Variants in SIRPG observed in about 807,000 individuals in gnomAD.
SIRPG encodes signal regulatory protein gamma.
A neutral mutation model predicts 35.7 loss-of-function variants in SIRPG; 38 were observed. The ratio of observed to expected loss-of-function variants is 1.06; its 90% CI spans 0.82 to 1.40. The LOEUF (loss-of-function observed/expected upper bound fraction) is 1.40. Among genes scored for constraint, SIRPG ranks in the 40% most tolerant of loss-of-function variants. SIRPG has a pLI of 0.00. For synonymous variants in SIRPG, 215 were observed against 190.4 expected (o/e 1.13, Z -1.06); for missense variants, 519 against 483.0 (o/e 1.07, Z -0.70).
At chr20:1,644,967 A>G (rs975960391) in intron 2 of SIRPG, among the ~76,000 whole-genome samples, 1 of 152,130 alleles carries the variant, frequency 6.6e-6, no homozygotes, top group African/African-American at 2.4e-5. Flanking sequence ...GCCTCCTATC[A>G]CTGCTGCTTC....
chr20:1,639,907 G>C (rs2091838442), intron 2 of SIRPG, among the ~76,000 whole-genome samples: 1 of 152,076 alleles, frequency 6.6e-6, no homozygotes, highest in South Asian at 2.1e-4. Context: ...TTTTTCTCAG[G>C]TTTGTTGAAG....
intron 2 of SIRPG, among the ~76,000 whole-genome samples, chr20:1,644,221 G>T (rs1030718727): frequency 6.6e-6 from 1 of 152,194 alleles, no homozygotes; most frequent in Non-Finnish European, 1.5e-5. Flanking sequence ...CCCCCTAGGG[G>T]CTCAGGCCCA....
At chr20:1,660,218 T>C (rs1220363408), upstream of SIRPG, among the ~76,000 whole-genome samples, 1 of 152,188 alleles carries the variant, frequency 6.6e-6, no homozygotes. Context: ...TAATCAGTGC[T>C]GAAATTTTTT....
rs559634499 is a variant in SIRPG, at chr20:1,646,835, C to CG, written c.430+2216dup. 338 of 152,102 alleles carry CG rather than the reference C, an allele frequency of 2.2e-3. 5 individuals are homozygous for CG. The highest frequency in any genetic ancestry group is 2.8e-3 in the Admixed American group (43 of 15,260). The allele number at this position is 152,102 out of a possible 1,614,324, so 9.4% of individuals were successfully genotyped here. Reference sequence around the variant, plus strand: ...GCTACTTTTTTATTTTTAGTAAAGGCGGGGTTTCTCCATGTTGGTTAGGCT... The same window carrying CG: ...GCTACTTTTTTATTTTTAGTAAAGGCGGGGGTTTCTCCATGTTGGTTAGGCT... On this transcript the variant is annotated intron_variant, in intron 2 of 5. Transcript: ENST00000303415.
chr20:1,666,684 C>G, the SIRPG span: 1 of 152,108 alleles, frequency 6.6e-6, no homozygotes, highest in Non-Finnish European at 1.5e-5. Context: ...TTTAGCATGG[C>G]CAAGGTGTAT....
At chr20:1,684,117 G>C in the SIRPG span, among the ~76,000 whole-genome samples, 1 of 152,190 alleles carries the variant, frequency 6.6e-6, no homozygotes, top group Admixed American at 6.5e-5. Context: ...ATGATTTCTA[G>C]AGTGAATAAC....
chr20:1,664,525 AG>A, the SIRPG span, among the ~76,000 whole-genome samples: 2 of 152,118 alleles, frequency 1.3e-5, no homozygotes, highest in Admixed American at 6.5e-5. Flanking sequence ...CTCACATTCT[AG>A]GGGGATGCTG....
intron 2 of SIRPG, among the ~76,000 whole-genome samples, chr20:1,645,552 T>C (rs901209579): frequency 2.0e-5 from 3 of 152,162 alleles, no homozygotes; most frequent in African/African-American, 7.2e-5. Context: ...CATCACATAG[T>C]TCACATTTAT....
chr20:1,645,620 C>T (rs2091892410), intron 2 of SIRPG, among the ~76,000 whole-genome samples: 1 of 152,216 alleles, frequency 6.6e-6, no homozygotes, highest in Non-Finnish European at 1.5e-5. Flanking sequence ...TTAACTCCTT[C>T]AGCTCTCCCT....
chr20:1,639,341 T>C lies in SIRPG; in HGVS notation c.431-2836A>G, dbSNP rs566578386. ...ACTGGCATGAGATGGTATCTCATTGTGGTTTTGATTTTCATTTCTCTAATG... is the reference window on the plus strand; with the variant it reads ...ACTGGCATGAGATGGTATCTCATTGCGGTTTTGATTTTCATTTCTCTAATG... On this transcript the variant is annotated intron_variant, in intron 2 of 5. Transcript: ENST00000303415. 2.6e-5 allele frequency among the ~76,000 whole-genome samples: 4 copies of C among 152,300 alleles called. No homozygotes were observed. The South Asian group carries it at 6.2e-4, about 24-fold the overall frequency.
At chr20:1,638,447 G>T (rs181712316) in intron 2 of SIRPG, 2 of 152,098 alleles carry the variant, frequency 1.3e-5, no homozygotes, top group East Asian at 1.9e-4. Flanking sequence ...CCAAGAAAAG[G>T]CTCAAATCCT....
At chr20:1,677,293 C>T in the SIRPG span, among the ~76,000 whole-genome samples, 1 of 152,152 alleles carries the variant, frequency 6.6e-6, no homozygotes, top group Admixed American at 6.5e-5. Context: ...ACTTTCTGGC[C>T]ATATGGAGTA....
At chr20:1,670,134 A>G in the SIRPG span, 2 of 259,576 alleles carry the variant, frequency 7.7e-6, no homozygotes, top group South Asian at 1.1e-4. Context: ...CTGTTCTCCA[A>G]CCAGGTCAGC....
chr20:1,665,594 G>T, the SIRPG span, among the ~76,000 whole-genome samples: 2 of 152,248 alleles, frequency 1.3e-5, no homozygotes, highest in South Asian at 4.1e-4. Flanking sequence ...ATCTCCCGGT[G>T]CCAGGCTCTC....
rs2091804261 is a variant in SIRPG at position 1,636,514 on chromosome 20, G to A, written c.431-9C>T. The A allele has an allele frequency of 2.5e-6, 4 of 1,613,898 alleles. No homozygotes were observed. Among genetic ancestry groups the A allele is most frequent in the South Asian group, 1.1e-5 (1 of 91,078 alleles). On this transcript the variant is annotated splice_polypyrimidine_tract_variant and intron_variant, in intron 2 of 5. Coordinates refer to ENST00000303415, the MANE Select transcript of SIRPG (RefSeq NM_018556.4). ...GGGGGCAGAGGGTTTGGCTACAAAA[G>A]GGGCATCGATAAACAGGAGACATGA...
the SIRPG span, among the ~76,000 whole-genome samples, chr20:1,662,836 T>C: frequency 1.3e-3 from 196 of 152,158 alleles, no homozygotes; most frequent in Non-Finnish European, 2.3e-3. Context: ...CTGATCAGGA[T>C]AAGAGGAATT....
rs897044300 is a variant in SIRPG, at chr20:1,649,102, G to T, written c.380C>A (p.Pro127His). Residue 127 changes from proline (P) to histidine (H), a missense_variant, in exon 2 of 6, where the codon CCT (proline) becomes CAT (histidine). Coordinates refer to ENST00000303415, the MANE Select transcript of SIRPG (RefSeq NM_018556.4). ...YYCVKFRKGS[P>H]ENVEFKSGPG... Reference sequence around the variant, plus strand: ...TCCAGACTTAAACTCCACGTTCTCAGGGCTCCCTTTTCGAAACTTCACACA... The same window carrying T: ...TCCAGACTTAAACTCCACGTTCTCATGGCTCCCTTTTCGAAACTTCACACA... The T allele has an allele frequency of 1.9e-6, 3 of 1,613,880 alleles. No individual in the cohort carries two copies. The highest frequency in any genetic ancestry group is 2.5e-6 in the Non-Finnish European group (3 of 1,179,830).
chr20:1,653,808 T>C (rs2091957658), intron 1 of SIRPG, among the ~76,000 whole-genome samples: 1 of 152,236 alleles, frequency 6.6e-6, no homozygotes, highest in Non-Finnish European at 1.5e-5. Flanking sequence ...AGTTGAAGTT[T>C]ACAGTAAAGA....
chr20:1,634,653 G>C (rs1266608163), intron 4 of SIRPG, among the ~76,000 whole-genome samples: 1 of 152,164 alleles, frequency 6.6e-6, no homozygotes, highest in African/African-American at 2.4e-5. Context: ...AGGGTGGGCT[G>C]ATGAGAAACG....
Sources: allele counts gnomAD v4.1 joint callset (sites outside exome capture counted in the v4.1 genomes callset), GRCh38; gene constraint gnomAD v4.1.1; transcripts MANE v1.5; gene names NCBI Gene and HGNC (gene_info 2026-07-23, HGNC 2026-07-21).